RALGPS1: variants seen among roughly 807,000 people sequenced by gnomAD.
RALGPS1 encodes ras-specific guanine nucleotide-releasing factor RalGPS1.
A neutral mutation model predicts 78.8 loss-of-function variants in RALGPS1; 19 were observed. The ratio of observed to expected loss-of-function variants is 0.24; its 90% CI spans 0.17 to 0.35. The LOEUF (loss-of-function observed/expected upper bound fraction) is 0.35, where lower values mean the gene tolerates loss of function less well. Among genes scored for constraint, RALGPS1 ranks in the 10% least tolerant of loss-of-function variants. The pLI, the probability that RALGPS1 is intolerant of heterozygous loss-of-function variation, is 1.00. For missense variants in RALGPS1, 454 were observed against 688.3 expected (o/e 0.66, Z 3.81); for synonymous variants, 228 against 256.3 (o/e 0.89, Z 1.06).
chr9:127,120,094 C>T (rs1191726855), intron 8 of RALGPS1, among the ~76,000 whole-genome samples: 2 of 152,214 alleles, frequency 1.3e-5, no homozygotes, highest in Non-Finnish European at 2.9e-5. Flanking sequence ...GACATGGCCA[C>T]CATAGTGCCA....
intron 1 of RALGPS1, among the ~76,000 whole-genome samples, chr9:126,958,142 A>AAAAAAAATATATATATATAT (rs113413659): frequency 1.3e-5 from 1 of 77,084 alleles, no homozygotes; most frequent in Non-Finnish European, 2.8e-5. Flanking sequence ...AAAAAAAAAA[A>AAAAAAAATATATATATATAT]ATATATATAT....
chr9:127,194,740 C>CAGG (rs2061263803), intron 11 of RALGPS1, among the ~76,000 whole-genome samples: 1 of 152,234 alleles, frequency 6.6e-6, no homozygotes, highest in Admixed American at 6.5e-5. Flanking sequence ...AGTCTCACCT[C>CAGG]TGTCATTCAC....
At chr9:127,039,889 C>T (rs936705565) in intron 5 of RALGPS1, among the ~76,000 whole-genome samples, 3 of 152,104 alleles carry the variant, frequency 2.0e-5, no homozygotes, top group Non-Finnish European at 2.9e-5. Context: ...TACAGCAAGA[C>T]TCTTGGGCAG....
At chr9:126,967,924 AT>A (rs777780665) in intron 3 of RALGPS1, among the ~76,000 whole-genome samples, 12 of 151,518 alleles carry the variant, frequency 7.9e-5, no homozygotes, top group African/African-American at 2.9e-4. Flanking sequence ...TGTTCACTGC[AT>A]TTTTTCCCAG....
chr9:126,945,093 C>G (rs920444750), intron 1 of RALGPS1, among the ~76,000 whole-genome samples: 1 of 152,146 alleles, frequency 6.6e-6, no homozygotes, highest in Non-Finnish European at 1.5e-5. Flanking sequence ...TGCCCTCCTC[C>G]AGGTGAGGTA....
chr9:127,051,010 CAG>C, intron 6 of RALGPS1, among the ~76,000 whole-genome samples: 1 of 152,310 alleles, frequency 6.6e-6, no homozygotes, highest in African/African-American at 2.4e-5. Context: ...TGTCCATGCT[CAG>C]GGCCCCATAG....
chr9:127,199,478 A>AC (rs1331044593), intron 14 of RALGPS1, among the ~76,000 whole-genome samples: 1 of 150,788 alleles, frequency 6.6e-6, no homozygotes, highest in Non-Finnish European at 1.5e-5. Flanking sequence ...GTATTTATTG[A>AC]CCCCCACCCT....
chr9:127,061,846 G>C (rs1315642913), intron 7 of RALGPS1, among the ~76,000 whole-genome samples: 1 of 152,102 alleles, frequency 6.6e-6, no homozygotes, highest in Admixed American at 6.5e-5. Flanking sequence ...CCCACCGCCA[G>C]ACCAGATCTG....
intron 8 of RALGPS1, among the ~76,000 whole-genome samples, chr9:127,127,869 T>A (rs10987563): frequency 3.1e-4 from 45 of 143,728 alleles, no homozygotes; most frequent in East Asian, 1.2e-3. Flanking sequence ...AAAAAAAAAA[T>A]TTTGCTTGTT....
chr9:127,105,164 C>T (rs2054100353), intron 8 of RALGPS1, among the ~76,000 whole-genome samples: 1 of 152,160 alleles, frequency 6.6e-6, no homozygotes, highest in Non-Finnish European at 1.5e-5. Flanking sequence ...TGAGATGGGT[C>T]ACAAGAAATC....
chr9:127,105,562 C>T (rs751359771), intron 8 of RALGPS1, among the ~76,000 whole-genome samples: 1 of 152,180 alleles, frequency 6.6e-6, no homozygotes, highest in South Asian at 2.1e-4. Context: ...CTCTCCCTTC[C>T]CTCTAGGCAG....
chr9:127,146,748 T>C (rs1464374629), intron 8 of RALGPS1, among the ~76,000 whole-genome samples: 2 of 152,202 alleles, frequency 1.3e-5, no homozygotes, highest in Admixed American at 6.5e-5. Context: ...CTCACCATGT[T>C]GGCCAGGCTG....
At chr9:127,180,000 C>T (rs1018325492) in intron 11 of RALGPS1, among the ~76,000 whole-genome samples, 1 of 152,170 alleles carries the variant, frequency 6.6e-6, no homozygotes, top group African/African-American at 2.4e-5. Flanking sequence ...CAGGCAGTTC[C>T]ACACCAACAA....
intron 8 of RALGPS1, among the ~76,000 whole-genome samples, chr9:127,155,734 A>C (rs1016255577): frequency 1.3e-5 from 2 of 152,202 alleles, no homozygotes; most frequent in African/African-American, 4.8e-5. Flanking sequence ...GATAGGAAGC[A>C]CTAACAGATT....
intron 8 of RALGPS1, among the ~76,000 whole-genome samples, chr9:127,076,218 A>G (rs538682102): frequency 1.3e-5 from 2 of 152,374 alleles, no homozygotes; most frequent in East Asian, 1.9e-4. Flanking sequence ...AAGAATGTCT[A>G]CATCATTTGC....
intron 14 of RALGPS1, among the ~76,000 whole-genome samples, chr9:127,200,799 T>C (rs1021177105): frequency 6.6e-6 from 1 of 152,158 alleles, no homozygotes; most frequent in East Asian, 1.9e-4. Context: ...CTGAGGGAGA[T>C]AGCTTACAGG....
At chr9:127,054,943 C>T (rs2048586944) in intron 7 of RALGPS1, among the ~76,000 whole-genome samples, 1 of 151,008 alleles carries the variant, frequency 6.6e-6, no homozygotes, top group Non-Finnish European at 1.5e-5. Context: ...ATGCCACTGC[C>T]CTCCAGGTTG....
chr9:127,030,615 G>A (rs1231557249), intron 4 of RALGPS1, among the ~76,000 whole-genome samples: 2 of 152,058 alleles, frequency 1.3e-5, no homozygotes, highest in Non-Finnish European at 1.5e-5. Flanking sequence ...GGAGCTGGAG[G>A]GGACAGGGTC....
chr9:127,013,409 G>A (rs922530745), intron 4 of RALGPS1, among the ~76,000 whole-genome samples: 4 of 152,080 alleles, frequency 2.6e-5, no homozygotes, highest in African/African-American at 7.2e-5. Flanking sequence ...CCAGAATCCC[G>A]CTGTGGTACG....
Sources: gnomAD v4.1 joint callset for allele counts (sites outside exome capture counted in the v4.1 genomes callset) on GRCh38, gnomAD v4.1.1 for gene constraint, MANE v1.5 for transcripts, NCBI Gene and HGNC (gene_info 2026-07-23, HGNC 2026-07-21) for gene names.